Variants in SOX5 observed in about 807,000 individuals in gnomAD.
SOX5 encodes SRY-box transcription factor 5.
A neutral mutation model predicts 92.0 loss-of-function variants in SOX5; 9 were observed. The observed-to-expected ratio is 0.10, with a 90% CI of 0.06 to 0.17. The LOEUF is 0.17. Ranked by LOEUF, SOX5 falls within the 10% of genes least tolerant of loss-of-function variation. The pLI, the probability that SOX5 is intolerant of heterozygous loss-of-function variation, is 1.00. For missense variants in SOX5, 642 were observed against 944.5 expected, an observed-to-expected ratio of 0.68 and a Z score of 4.20; for synonymous variants, 344 against 336.3, an observed-to-expected ratio of 1.02 and a Z score of -0.25.
At chr12:24,198,248 G>T (rs1236218406) in intron 4 of SOX5, among the ~76,000 whole-genome samples, 1 of 152,044 alleles carries the variant, frequency 6.6e-6, no homozygotes, top group Non-Finnish European at 1.5e-5. Context: ...AAAGAAAGGA[G>T]AGGGAGGGGT....
intron 2 of SOX5, among the ~76,000 whole-genome samples, chr12:24,277,497 C>T (rs1006606068): frequency 6.6e-5 from 5 of 75,700 alleles, no homozygotes; most frequent in East Asian, 1.7e-3. Flanking sequence ...TGTAAATTTA[C>T]ATTTAAATAT....
intron 1 of SOX5, among the ~76,000 whole-genome samples, chr12:23,936,042 G>C (rs1282031704): frequency 6.6e-6 from 1 of 150,992 alleles, no homozygotes; most frequent in East Asian, 1.9e-4. Flanking sequence ...AGATTGTTGT[G>C]AGGCTAGAGT....
intron 9 of SOX5, among the ~76,000 whole-genome samples, chr12:23,593,596 T>C (rs576330245): frequency 3.3e-3 from 502 of 152,308 alleles, no homozygotes; most frequent in African/African-American, 0.011. Flanking sequence ...AAAACTGATG[T>C]ATTAGATCTT....
At position 23,846,172 on chromosome 12, in the gene SOX5, T is replaced by G; in HGVS notation, c.292A>C (p.Met98Leu). The change falls in exon 3 of 15, where the codon ATG becomes CTG. Residue 98 changes from methionine (M) to leucine (L), a missense_variant. By Grantham distance (15) the Met-to-Leu change is conservative. This residue lies in a region of SOX5 where 113 missense variants were observed against 117.7 expected (regional missense o/e 0.96). Transcript: ENST00000451604. ...GAGTTGTGTGGGGCAAATGAAGACATAACTTTATTGCCATCAACTTCCTGA... is the reference window on the plus strand; with the variant it reads ...GAGTTGTGTGGGGCAAATGAAGACAGAACTTTATTGCCATCAACTTCCTGA... The part of the protein sequence containing the change: ...NTMEVDGNKV[M>L]SSFAPHNSST... The G allele has an allele frequency of 6.2e-7, 1 of 1,613,888 alleles. No homozygotes were observed. Among genetic ancestry groups the G allele is most frequent in the East Asian group, 2.2e-5 (1 of 44,878 alleles).
intron 1 of SOX5, among the ~76,000 whole-genome samples, chr12:24,520,476 T>C (rs574079017): frequency 1.3e-5 from 2 of 150,596 alleles, no homozygotes; most frequent in South Asian, 4.3e-4. Context: ...AAAAAAAATC[T>C]ATAATAGACA....
intron 3 of SOX5, among the ~76,000 whole-genome samples, chr12:23,760,212 T>A (rs759904880): frequency 6.6e-6 from 1 of 152,116 alleles, no homozygotes; most frequent in Non-Finnish European, 1.5e-5. Flanking sequence ...ATTTTGTCAG[T>A]GGCATATATA....
At chr12:24,522,312 G>A (rs577745728) in intron 1 of SOX5, among the ~76,000 whole-genome samples, 66 of 151,784 alleles carry the variant, frequency 4.3e-4, no homozygotes, top group African/African-American at 1.5e-3. Context: ...AGGATCTGAC[G>A]GTTTCACTGG....
intron 4 of SOX5, among the ~76,000 whole-genome samples, chr12:24,079,894 C>T (rs1452660205): frequency 6.6e-6 from 1 of 151,912 alleles, no homozygotes; most frequent in Non-Finnish European, 1.5e-5. Context: ...AGCACATTAA[C>T]ATCCTCATAA....
intron 4 of SOX5, among the ~76,000 whole-genome samples, chr12:24,018,350 A>G (rs1380662609): frequency 2.6e-5 from 4 of 152,204 alleles, no homozygotes; most frequent in African/African-American, 4.8e-5. Context: ...ATATTTTAGG[A>G]AAGAAAAACA....
chr12:24,179,975 C>T (rs920963716), intron 4 of SOX5, among the ~76,000 whole-genome samples: 1 of 151,370 alleles, frequency 6.6e-6, no homozygotes, highest in African/African-American at 2.4e-5. Flanking sequence ...AGTTATGGGA[C>T]CTCACTCCAT....
rs371325306 is a variant in SOX5, at chr12:24,322,206, T to C, written c.-173-44894A>G. Reference sequence around the variant, plus strand: ...AATCTCATTCATGACATGAAAAAAATCAAGATAGTAACATGCTACACCGAT... The same window carrying C: ...AATCTCATTCATGACATGAAAAAAACCAAGATAGTAACATGCTACACCGAT... On this transcript the variant is annotated intron_variant, in intron 2 of 4. Transcript: ENST00000446891. Among the ~76,000 whole-genome samples the C allele has an allele frequency of 6.6e-5, 10 of 152,176 alleles. No homozygotes were observed. In the East Asian group the frequency reaches 9.7e-4, roughly 15 times the overall value.
chr12:23,640,317 T>C (rs1258901185), intron 8 of SOX5, among the ~76,000 whole-genome samples: 2 of 152,188 alleles, frequency 1.3e-5, no homozygotes, highest in African/African-American at 2.4e-5. Flanking sequence ...GTTGTGCTTA[T>C]TTAGTCTTCA....
At position 24,152,021 on chromosome 12, in the gene SOX5, C is replaced by T. The variant is rs1023307362; in HGVS notation, c.-2+61322G>A. Among the ~76,000 whole-genome samples, 5 of 152,132 alleles carry T rather than the reference C, an allele frequency of 3.3e-5. No homozygotes were observed. The East Asian group carries it at 7.7e-4, about 24-fold the overall frequency. On this transcript the variant is annotated intron_variant, in intron 4 of 4. Coordinates refer to the SOX5 transcript ENST00000446891. ...CTCATTGAATTCATTAAAAAGTATT[C>T]AAACATTTAAAACTCCCAGTCTTCC... is the stretch of plus-strand genomic sequence containing the variant.
chr12:23,544,094 T>A (rs780588571), intron 12 of SOX5, among the ~76,000 whole-genome samples: 2 of 152,222 alleles, frequency 1.3e-5, no homozygotes, highest in Non-Finnish European at 2.9e-5. Context: ...ATGTTTAAGA[T>A]GAGAAAAATA....
intron 2 of SOX5, among the ~76,000 whole-genome samples, chr12:24,366,690 C>T (rs1388585003): frequency 6.6e-6 from 1 of 152,114 alleles, no homozygotes; most frequent in Non-Finnish European, 1.5e-5. Context: ...CTATTACTGG[C>T]TTTCTTTGAC....
At chr12:23,923,834 C>G (rs1381636265) in intron 1 of SOX5, among the ~76,000 whole-genome samples, 1 of 152,098 alleles carries the variant, frequency 6.6e-6, no homozygotes, top group Non-Finnish European at 1.5e-5. Context: ...CAACCCTATT[C>G]TGGGGTGCTC....
At chr12:23,666,100 G>C (rs2083751465) in intron 6 of SOX5, among the ~76,000 whole-genome samples, 3 of 151,226 alleles carry the variant, frequency 2.0e-5, no homozygotes, top group Admixed American at 2.0e-4. Context: ...TTACAGAATA[G>C]CTAAAACTTT....
At chr12:23,980,009 C>T (rs1949420286) in intron 4 of SOX5, among the ~76,000 whole-genome samples, 1 of 151,066 alleles carries the variant, frequency 6.6e-6, no homozygotes, top group Non-Finnish European at 1.5e-5. Flanking sequence ...CAGAATCTCG[C>T]TATATTGCCC....
At chr12:23,600,522 C>CATATATATATATATATATATATATATAT (rs371480644) in intron 9 of SOX5, among the ~76,000 whole-genome samples, 1 of 39,800 alleles carries the variant, frequency 2.5e-5, no homozygotes, top group African/African-American at 9.4e-5. Flanking sequence ...GGGGGGGGTG[C>CATATATATATATATATATATATATATAT]ATATATATAT....
Sources: gnomAD v4.1 joint callset for allele counts (sites outside exome capture counted in the v4.1 genomes callset) on GRCh38, gnomAD v4.1.1 for gene constraint, gnomAD v4.1.1 regional missense constraint, MANE v1.5 for transcripts, NCBI Gene and HGNC (gene_info 2026-07-23, HGNC 2026-07-21) for gene names.